Variants in DMD observed in about 807,000 individuals in gnomAD.
DMD encodes the protein dystrophin.
A neutral mutation model predicts 330.1 loss-of-function variants in DMD; 63 were observed. The ratio of observed to expected loss-of-function variants is 0.19; its 90% CI spans 0.16 to 0.24. The LOEUF (loss-of-function observed/expected upper bound fraction) is 0.24, where lower values mean the gene tolerates loss of function less well. Among genes scored for constraint, DMD ranks in the 10% least tolerant of loss-of-function variants. The probability of loss-of-function intolerance (pLI) is 1.00; values close to 1 mark genes in which losing one functional copy is unlikely to be tolerated. For missense variants in DMD, 3,344 were observed against 2,684.1 expected, an observed-to-expected ratio of 1.25 and a Z score of -5.43; for synonymous variants, 1,223 against 959.8, an observed-to-expected ratio of 1.27 and a Z score of -5.07.
At chrX:32,453,147 C>A (rs137969149) in intron 26 of DMD, among the ~76,000 whole-genome samples, 357 of 110,944 alleles carry the variant, frequency 3.2e-3, no homozygotes, top group Non-Finnish European at 5.7e-3. Context: ...GGCAAATTAT[C>A]ATGATTTCAT....
chrX:32,529,379 CTTTTTTTTTTTTTTTTTTTTTT>C (rs777955346), intron 17 of DMD, among the ~76,000 whole-genome samples: 2 of 31,063 alleles, frequency 6.4e-5, no homozygotes, highest in Non-Finnish European at 1.1e-4. Flanking sequence ...CAAAAATCAA[CTTTTTTTTTTTTTTTTTTTTTT>C]TTTTTTTTTT....
At chrX:32,525,438 T>G (rs939839894) in intron 17 of DMD, among the ~76,000 whole-genome samples, 5 of 111,219 alleles carry the variant, frequency 4.5e-5, no homozygotes, top group Admixed American at 9.6e-5. Context: ...TCCCATGTAC[T>G]CTCCCTGAGT....
intron 2 of DMD, among the ~76,000 whole-genome samples, chrX:32,966,030 C>T (rs988182952): frequency 2.7e-5 from 3 of 111,955 alleles, no homozygotes; most frequent in Non-Finnish European, 5.6e-5. Context: ...TTGAATCATA[C>T]TCAAAGCAAA....
At chrX:32,783,221 CGTGTATACGTATATACACAT>C in intron 7 of DMD, among the ~76,000 whole-genome samples, 1 of 94,700 alleles carries the variant, frequency 1.1e-5, no homozygotes, top group East Asian at 3.4e-4. Context: ...TGTGTATATA[CGTGTATACGTATATACACAT>C]ATGTGTATAT....
chrX:32,527,613 T>C (rs1333818244), intron 17 of DMD, among the ~76,000 whole-genome samples: 2 of 110,602 alleles, frequency 1.8e-5, no homozygotes, highest in African/African-American at 3.3e-5. Context: ...AGTAATAGAA[T>C]ACAAATTCAA....
chrX:31,460,170 C>G (rs1188198422), intron 59 of DMD, among the ~76,000 whole-genome samples: 7 of 111,672 alleles, frequency 6.3e-5, no homozygotes, highest in Non-Finnish European at 9.4e-5. Flanking sequence ...GTTTTTTGCA[C>G]CATTTTGGGA....
intron 42 of DMD, among the ~76,000 whole-genome samples, chrX:32,303,756 A>G (rs758729262): frequency 1.8e-5 from 2 of 110,249 alleles, no homozygotes; most frequent in South Asian, 7.7e-4. Flanking sequence ...AAAGACTCAA[A>G]CTCCAGTTCA....
rs182302396 is a variant in DMD at position 31,848,384 on chromosome X, T to C, written c.7099-11565A>G. ...CAGATAAGGTGAAGAAGGCCACCAC[T>C]AAAATGGAAACATAGCTAATTATAG... On this transcript the variant is annotated intron_variant, in intron 48 of 78. Coordinates refer to ENST00000357033, the MANE Select transcript of DMD (RefSeq NM_004006.3). 2.8e-4 allele frequency among the ~76,000 whole-genome samples: 31 copies of C among 111,631 alleles called. No homozygotes were observed. In the East Asian group the frequency reaches 8.7e-3, roughly 31 times the overall value.
intron 2 of DMD, among the ~76,000 whole-genome samples, chrX:32,921,000 T>C (rs2088343195): frequency 8.9e-6 from 1 of 112,033 alleles, no homozygotes; most frequent in African/African-American, 3.2e-5. Context: ...CACAAGTTTG[T>C]CCAGGAAAGA....
intron 42 of DMD, among the ~76,000 whole-genome samples, chrX:32,293,629 T>A (rs1443047650): frequency 1.8e-5 from 2 of 111,987 alleles, no homozygotes; most frequent in Non-Finnish European, 3.8e-5. Context: ...TTGTACGACA[T>A]TGCAGTATGC....
chrX:32,498,053 G>C (rs773123044), intron 19 of DMD, among the ~76,000 whole-genome samples: 12 of 110,940 alleles, frequency 1.1e-4, no homozygotes, highest in African/African-American at 3.6e-4. Flanking sequence ...GTAAAATAAA[G>C]AATTTGGAAA....
intron 7 of DMD, among the ~76,000 whole-genome samples, chrX:32,806,726 A>G (rs1481225801): frequency 9.0e-6 from 1 of 111,644 alleles, no homozygotes; most frequent in Non-Finnish European, 1.9e-5. Context: ...CAAAAGAATG[A>G]AAATCATAAC....
At chrX:32,629,167 A>G (rs529797979) in intron 11 of DMD, among the ~76,000 whole-genome samples, 1 of 111,830 alleles carries the variant, frequency 8.9e-6, no homozygotes, top group African/African-American at 3.2e-5. Flanking sequence ...TAACTCTAAT[A>G]ATATTTGATT....
At chrX:32,114,800 G>T (rs191838601) in intron 44 of DMD, among the ~76,000 whole-genome samples, 1 of 112,622 alleles carries the variant, frequency 8.9e-6, no homozygotes, top group African/African-American at 3.2e-5. Context: ...CTCAACAAAT[G>T]TCTTTTAATT....
intron 64 of DMD, among the ~76,000 whole-genome samples, chrX:31,213,829 G>C (rs1341628787): frequency 9.0e-6 from 1 of 111,706 alleles, no homozygotes; most frequent in Non-Finnish European, 1.9e-5. Context: ...GTATGACTGA[G>C]GCATTATTTA....
At chrX:32,141,674 G>A (rs1326930042) in intron 44 of DMD, among the ~76,000 whole-genome samples, 3 of 70,991 alleles carry the variant, frequency 4.2e-5, no homozygotes, top group African/African-American at 1.6e-4. Flanking sequence ...ATAATATAGA[G>A]TGCAACACAC....
At chrX:33,080,220 T>C (rs1407432066) in intron 1 of DMD, among the ~76,000 whole-genome samples, 1 of 112,029 alleles carries the variant, frequency 8.9e-6, no homozygotes, top group African/African-American at 3.2e-5. Context: ...TTTAATATTT[T>C]AACCTATAGA....
chrX:32,513,130 C>T (rs757269572), intron 18 of DMD, among the ~76,000 whole-genome samples: 2 of 111,699 alleles, frequency 1.8e-5, no homozygotes, highest in African/African-American at 3.3e-5. Flanking sequence ...ACAACCATAG[C>T]GTGTCCCTGT....
At chrX:32,828,892 G>C (rs756837072) in intron 4 of DMD, among the ~76,000 whole-genome samples, 1 of 110,816 alleles carries the variant, frequency 9.0e-6, no homozygotes, top group Non-Finnish European at 1.9e-5. Context: ...ATATATTTTT[G>C]TATCACTGAC....
Sources: gnomAD v4.1 joint callset for allele counts (sites outside exome capture counted in the v4.1 genomes callset) on GRCh38, gnomAD v4.1.1 for gene constraint, MANE v1.5 for transcripts, NCBI Gene and HGNC (gene_info 2026-07-23, HGNC 2026-07-21) for gene names.